TBC1D14: variants seen among roughly 807,000 people sequenced by gnomAD.
TBC1D14 encodes TBC1 domain family member 14, also known as TBC1 domain family, member 14.
Under a neutral mutation model 79.0 loss-of-function variants are expected in TBC1D14, and 26 were observed. That is an observed-to-expected ratio of 0.33 (90% CI 0.24 to 0.46). TBC1D14 has a LOEUF of 0.46. Among genes scored for constraint, TBC1D14 ranks in the 20% least tolerant of loss-of-function variants. The pLI is 1.00. For missense variants in TBC1D14, 769 were observed against 887.6 expected, an observed-to-expected ratio of 0.87 and a Z score of 1.70; for synonymous variants, 394 against 349.9, an observed-to-expected ratio of 1.13 and a Z score of -1.40.
At chr4:6,954,899 C>G (rs909604593) in intron 2 of TBC1D14, among the ~76,000 whole-genome samples, 6 of 152,262 alleles carry the variant, frequency 3.9e-5, no homozygotes, top group African/African-American at 1.4e-4. Context: ...GCGGCCGTGC[C>G]CGGCCTGGAT....
chr4:7,009,506 C>A (rs983612188), intron 9 of TBC1D14, among the ~76,000 whole-genome samples: 1 of 152,144 alleles, frequency 6.6e-6, no homozygotes, highest in African/African-American at 2.4e-5. Context: ...TGGGAGACGG[C>A]CTGAGTGACA....
chr4:7,031,005 C>A lies in TBC1D14; in HGVS notation c.*613C>A, dbSNP rs545077763. On this transcript the variant is annotated 3_prime_UTR_variant, in exon 14 of 14. Transcript: ENST00000409757. Reference sequence around the variant, plus strand: ...AGCTCTGGGCCATGTTGCCTTGACACAGTCACAGTGTAGAGGCTGCAGGTG... The same window carrying A: ...AGCTCTGGGCCATGTTGCCTTGACAAAGTCACAGTGTAGAGGCTGCAGGTG... The A allele has an allele frequency of 6.5e-6, 1 of 152,916 alleles. No individual in the cohort carries two copies. The highest frequency in any genetic ancestry group is 1.5e-5 in the Non-Finnish European group (1 of 68,566). 9.5% of individuals were successfully genotyped at this position (152,916 alleles called of 1,614,324 possible). A position where few individuals can be genotyped will look rare whatever the true frequency, so the allele number is the denominator to read the frequency against.
intron 12 of TBC1D14, among the ~76,000 whole-genome samples, chr4:7,016,746 A>G (rs1721324535): frequency 6.6e-6 from 1 of 152,200 alleles, no homozygotes; most frequent in African/African-American, 2.4e-5. Context: ...ATTCCAAAAA[A>G]TGCTGGTGAT....
chr4:7,024,882 G>T (rs2109314923), intron 12 of TBC1D14, 122 bp from the exon 13 acceptor site: 1 of 1,347,888 alleles, frequency 7.4e-7, no homozygotes, highest in Non-Finnish European at 1.0e-6. Flanking sequence ...CCTGGCCCTG[G>T]CCCCAGCTGT....
chr4:6,968,144 C>T (rs1030773238), intron 3 of TBC1D14, among the ~76,000 whole-genome samples: 5 of 152,158 alleles, frequency 3.3e-5, no homozygotes, highest in Non-Finnish European at 7.4e-5. Context: ...CCAGCACCCT[C>T]GCTCCTCCAG....
At position 7,014,500 on chromosome 4, in the gene TBC1D14, A is replaced by T; in HGVS notation, c.1700A>T (p.Lys567Ile). The T allele has an allele frequency of 6.2e-7, 1 of 1,614,090 alleles. No individual in the cohort carries two copies. The highest frequency in any genetic ancestry group is 8.5e-7 in the Non-Finnish European group (1 of 1,179,978). Residue 567 changes from lysine (K) to isoleucine (I), a missense_variant, in exon 12 of 14, where the codon AAA becomes ATA. By Grantham distance (102) the Lys-to-Ile change is moderately radical (BLOSUM62 -3). Coordinates refer to ENST00000409757, the MANE Select transcript of TBC1D14 (RefSeq NM_020773.3). Reference sequence around the variant, plus strand: ...GTATTCTTTGAAGAAAATTTGCCGAAATTATTTGCGCATTTCAAGAAGAAC... The same window carrying T: ...GTATTCTTTGAAGAAAATTTGCCGATATTATTTGCGCATTTCAAGAAGAAC... ...FEVFFEENLP[K>I]LFAHFKKNNL...
At chr4:7,003,038 TC>T (rs1001285142) in intron 7 of TBC1D14, among the ~76,000 whole-genome samples, 1 of 152,178 alleles carries the variant, frequency 6.6e-6, no homozygotes, top group Non-Finnish European at 1.5e-5. Flanking sequence ...AAGGTTTTGC[TC>T]TTGTGGTTGT....
At chr4:7,007,631 T>G (rs1271191425) in intron 9 of TBC1D14, 14 of 1,286,554 alleles carry the variant, frequency 1.1e-5, no homozygotes, top group Non-Finnish European at 1.4e-5. Context: ...GTCTGGTGCG[T>G]GAGCCCAGCG....
At chr4:6,939,808 G>A (rs957137305) in intron 2 of TBC1D14, among the ~76,000 whole-genome samples, 2 of 152,184 alleles carry the variant, frequency 1.3e-5, no homozygotes, top group Non-Finnish European at 2.9e-5. Flanking sequence ...TTTACACAGG[G>A]GGGTCAGGGA....
intron 1 of TBC1D14, among the ~76,000 whole-genome samples, chr4:6,916,914 T>C (rs1723445912): frequency 6.6e-6 from 1 of 152,256 alleles, no homozygotes; most frequent in Admixed American, 6.5e-5. Context: ...TGGTCACTGC[T>C]GCAGGGAGAT....
At chr4:7,025,579 G>A (rs549252222) in intron 13 of TBC1D14, among the ~76,000 whole-genome samples, 1 of 152,220 alleles carries the variant, frequency 6.6e-6, no homozygotes, top group Non-Finnish European at 1.5e-5. Flanking sequence ...TGTAAGCCAC[G>A]TACCCCCCTT....
chr4:6,967,807 C>T (rs893495807), intron 3 of TBC1D14, among the ~76,000 whole-genome samples: 2 of 152,222 alleles, frequency 1.3e-5, no homozygotes, highest in African/African-American at 2.4e-5. Flanking sequence ...AGCTCACATC[C>T]TTCCTGTGCT....
chr4:7,024,200 A>G (rs540651084), intron 12 of TBC1D14, among the ~76,000 whole-genome samples: 2 of 152,258 alleles, frequency 1.3e-5, no homozygotes, highest in African/African-American at 4.8e-5. Context: ...TCAGGGTCAC[A>G]CTGTGGAAGC....
intron 2 of TBC1D14, chr4:6,954,321 G>A (rs1219462234): frequency 1.4e-6 from 1 of 717,374 alleles, no homozygotes; most frequent in East Asian, 2.7e-5. Flanking sequence ...TCTCCCCTGC[G>A]CTCCTGTTCA....
intron 1 of TBC1D14, among the ~76,000 whole-genome samples, chr4:6,911,543 C>T (rs576770276): frequency 6.6e-6 from 1 of 152,370 alleles, no homozygotes; most frequent in East Asian, 1.9e-4. Flanking sequence ...TCAGCTTGGG[C>T]TTTGCCTCTC....
intron 3 of TBC1D14, among the ~76,000 whole-genome samples, chr4:6,977,738 T>C (rs1157064726): frequency 2.1e-5 from 1 of 46,594 alleles, no homozygotes; most frequent in Non-Finnish European, 4.6e-5. Context: ...CAGGCCGCCA[T>C]CCCATCTAGG....
At chr4:7,017,179 A>C (rs1721372876) in intron 12 of TBC1D14, among the ~76,000 whole-genome samples, 1 of 152,176 alleles carries the variant, frequency 6.6e-6, no homozygotes, top group Non-Finnish European at 1.5e-5. Context: ...GCGTACCTGT[A>C]ATCCCAGCTA....
intron 3 of TBC1D14, chr4:6,987,088 T>TAG (rs1717915024): frequency 2.6e-6 from 1 of 388,024 alleles, no homozygotes; most frequent in African/African-American, 2.5e-5. Flanking sequence ...GCCCCGCCCC[T>TAG]TGTGCCCGCC....
intron 4 of TBC1D14, chr4:6,995,502 A>G (rs1046345921): frequency 6.7e-6 from 1 of 148,598 alleles, no homozygotes; most frequent in Non-Finnish European, 1.5e-5. Context: ...AATCTTTATC[A>G]TTCATTTTTC....
Sources: gnomAD v4.1 joint callset for allele counts (sites outside exome capture counted in the v4.1 genomes callset) on GRCh38, gnomAD v4.1.1 for gene constraint, MANE v1.5 for transcripts, NCBI Gene and HGNC (gene_info 2026-07-23, HGNC 2026-07-21) for gene names.